Variants in RASEF observed in about 807,000 individuals in gnomAD.
RASEF encodes ras and EF-hand domain-containing protein.
A neutral mutation model predicts 90.1 loss-of-function variants in RASEF; 68 were observed. The ratio of observed to expected loss-of-function variants is 0.75; its 90% CI spans 0.62 to 0.92. The LOEUF (loss-of-function observed/expected upper bound fraction) is 0.92, where lower values mean the gene tolerates loss of function less well. Among genes scored for constraint, RASEF ranks in the 40% least tolerant of loss-of-function variants. RASEF has a pLI of 0.00. For synonymous variants in RASEF, 331 were observed against 345.2 expected (o/e 0.96, Z 0.46); for missense variants, 949 against 937.2 (o/e 1.01, Z -0.16).
intron 14 of RASEF, among the ~76,000 whole-genome samples, chr9:82,993,513 C>G (rs752065780): frequency 6.6e-6 from 1 of 152,084 alleles, no homozygotes; most frequent in Non-Finnish European, 1.5e-5. Flanking sequence ...TGATCACAAG[C>G]CAAGTTCATT....
At chr9:83,176,634 A>G in the RASEF span, among the ~76,000 whole-genome samples, 1 of 151,918 alleles carries the variant, frequency 6.6e-6, no homozygotes, top group Non-Finnish European at 1.5e-5. Context: ...TTTTCTCACT[A>G]TATTTTAAAG....
At chr9:83,002,845 C>T (rs1426846586) in intron 9 of RASEF, among the ~76,000 whole-genome samples, 1 of 151,984 alleles carries the variant, frequency 6.6e-6, no homozygotes, top group Non-Finnish European at 1.5e-5. Context: ...ACTCATGTAA[C>T]AAATCTGTGC....
chr9:83,102,308 C>T, the RASEF span, among the ~76,000 whole-genome samples: 103 of 152,256 alleles, frequency 6.8e-4, no homozygotes, highest in Non-Finnish European at 1.2e-3. Context: ...AAATTCCTGA[C>T]CTCAGGTGAT....
the RASEF span, among the ~76,000 whole-genome samples, chr9:83,117,839 T>C: frequency 6.6e-6 from 1 of 152,230 alleles, no homozygotes; most frequent in South Asian, 2.1e-4. Flanking sequence ...CAAATCATGT[T>C]GGGGAAAGTC....
chr9:83,173,937 T>C, the RASEF span, among the ~76,000 whole-genome samples: 1 of 151,984 alleles, frequency 6.6e-6, no homozygotes, highest in Non-Finnish European at 1.5e-5. Flanking sequence ...GTTGTTCAAT[T>C]TGATGTTCCT....
intron 16 of RASEF, among the ~76,000 whole-genome samples, chr9:82,988,497 C>T (rs1828752975): frequency 1.3e-5 from 2 of 151,740 alleles, no homozygotes; most frequent in Admixed American, 1.3e-4. Context: ...GATGTTTGTC[C>T]CCTCCAAATC....
chr9:83,015,872 C>G lies in RASEF; in HGVS notation c.698G>C (p.Ser233Thr), dbSNP rs1564078113. The G allele has an allele frequency of 2.5e-6, 4 of 1,613,894 alleles. No individual in the cohort carries two copies. In the South Asian group the frequency reaches 4.4e-5, roughly 18 times the overall value. Residue 233 changes from serine (S) to threonine (T), a missense_variant, in exon 4 of 17, where the codon AGT becomes ACT. Transcript: ENST00000376447. ...AGTTTCATACTGACGTCTGAGGTCA[C>G]TGAGGGCTTCCTCAGCTTTGCGTTT... ...DEKRKAEEAL[S>T]DLRRQYETEV...
chr9:83,170,656 G>C, the RASEF span, among the ~76,000 whole-genome samples: 1 of 151,448 alleles, frequency 6.6e-6, no homozygotes, highest in Non-Finnish European at 1.5e-5. Flanking sequence ...GTTTATTCCT[G>C]GGTAATTTTT....
chr9:83,153,385 T>C, the RASEF span, among the ~76,000 whole-genome samples: 2 of 152,224 alleles, frequency 1.3e-5, no homozygotes, highest in Admixed American at 6.5e-5. Flanking sequence ...ATGAAATTTC[T>C]TGTTCCTTGC....
the RASEF span, among the ~76,000 whole-genome samples, chr9:83,118,270 A>T: frequency 3.4e-5 from 5 of 145,842 alleles, no homozygotes; most frequent in Non-Finnish European, 7.5e-5. Flanking sequence ...CTGAAAGTTT[A>T]AAAAAAAAAA....
chr9:83,081,007 C>T, the RASEF span, among the ~76,000 whole-genome samples: 1 of 152,070 alleles, frequency 6.6e-6, no homozygotes, highest in Admixed American at 6.6e-5. Context: ...TAGGAAAATA[C>T]TAATGCCTAA....
At chr9:83,025,476 A>G (rs1218963885) in intron 2 of RASEF, among the ~76,000 whole-genome samples, 1 of 152,202 alleles carries the variant, frequency 6.6e-6, no homozygotes, top group Non-Finnish European at 1.5e-5. Context: ...CTACTTCTCT[A>G]GATAAAAGTT....
At chr9:83,154,703 A>G in the RASEF span, among the ~76,000 whole-genome samples, 1 of 152,202 alleles carries the variant, frequency 6.6e-6, no homozygotes, top group African/African-American at 2.4e-5. Context: ...CTTGCTCACA[A>G]TCCAATTTTT....
At chr9:83,009,957 T>C (rs1829209820) in intron 5 of RASEF, among the ~76,000 whole-genome samples, 1 of 152,154 alleles carries the variant, frequency 6.6e-6, no homozygotes, top group South Asian at 2.1e-4. Flanking sequence ...ATCAAAACCC[T>C]CAAAGTCATT....
At chr9:83,150,550 A>T in the RASEF span, among the ~76,000 whole-genome samples, 1 of 152,180 alleles carries the variant, frequency 6.6e-6, no homozygotes, top group Non-Finnish European at 1.5e-5. Context: ...ATTTTCAGTA[A>T]TAATCATTAT....
At chr9:83,064,304 T>C (rs1830262923), upstream of RASEF, among the ~76,000 whole-genome samples, 1 of 152,348 alleles carries the variant, frequency 6.6e-6, no homozygotes, top group South Asian at 2.1e-4. Context: ...TGGTAAATTA[T>C]GAGAGGCATT....
At chr9:83,065,925 C>G (rs1395572283), upstream of RASEF, among the ~76,000 whole-genome samples, 1 of 152,172 alleles carries the variant, frequency 6.6e-6, no homozygotes, top group African/African-American at 2.4e-5. Flanking sequence ...CTGTAATGCA[C>G]AGGCCAGAGC....
the RASEF span, among the ~76,000 whole-genome samples, chr9:83,122,400 A>G: frequency 6.6e-6 from 1 of 152,242 alleles, no homozygotes; most frequent in South Asian, 2.1e-4. Flanking sequence ...AGAAATCACC[A>G]TAGAAGCCAA....
At chr9:83,188,471 G>A in the RASEF span, among the ~76,000 whole-genome samples, 1 of 152,192 alleles carries the variant, frequency 6.6e-6, no homozygotes, top group Non-Finnish European at 1.5e-5. Context: ...CAAGCTCCTT[G>A]CGCAACAGAA....
Sources: gnomAD v4.1 joint callset for allele counts (sites outside exome capture counted in the v4.1 genomes callset) on GRCh38, gnomAD v4.1.1 for gene constraint, MANE v1.5 for transcripts, NCBI Gene and HGNC (gene_info 2026-07-23, HGNC 2026-07-21) for gene names.